Variants in USP31 observed in about 807,000 individuals in gnomAD.
USP31 encodes the protein ubiquitin specific peptidase 31.
In USP31, 44 loss-of-function variants were observed where a neutral mutation model predicts 119.4. The observed-to-expected ratio is 0.37, with a 90% CI of 0.29 to 0.47. The LOEUF is 0.47. Ranked by LOEUF, USP31 falls within the 20% of genes least tolerant of loss-of-function variation. The pLI, the probability that USP31 is intolerant of heterozygous loss-of-function variation, is 0.99. For synonymous variants in USP31, 749 were observed against 705.6 expected (o/e 1.06, Z -0.97); for missense variants, 1,643 against 1,730.2 (o/e 0.95, Z 0.89).
At position 23,135,142 on chromosome 16, in the gene USP31, A is replaced by C. The variant is rs551560678; in HGVS notation, c.633+13496T>G. Among the ~76,000 whole-genome samples the C allele has an allele frequency of 1.6e-4, 24 of 151,468 alleles. No individual in the cohort carries two copies. The East Asian group carries it at 4.4e-3, about 28-fold the overall frequency. On this transcript the variant is annotated intron_variant, in intron 1 of 15. Transcript: ENST00000219689. ...TTCAACACTCTTTCATGATTTAAAAAAAAAAAAAAAAAACACTCAACAAAT... is the reference window on the plus strand; with the variant it reads ...TTCAACACTCTTTCATGATTTAAAACAAAAAAAAAAAAACACTCAACAAAT...
At chr16:23,086,958 A>C in intron 9 of USP31, 134 bp downstream of exon 9, 2 of 635,094 alleles carry the variant, frequency 3.1e-6, no homozygotes, top group Non-Finnish European at 2.7e-6. Context: ...TCAAAAGTAA[A>C]ATAAGTACTT....
chr16:23,082,652 A>C, intron 11 of USP31, 95 bp from the exon 12 acceptor site: 1 of 1,544,646 alleles, frequency 6.5e-7, no homozygotes, highest in Non-Finnish European at 8.8e-7. Context: ...GTGCAACTCA[A>C]AATCTCTCTG....
In USP31 at chr16:23,065,211, A is replaced by C. The variant is rs967281488; in HGVS notation, c.*2835T>G. ...GTGCCTACCAGGAGATGACTGCTCT[A>C]ATCAGGCCCATCTAGATGTCAACGA... On this transcript the variant is annotated 3_prime_UTR_variant, in exon 16 of 16. Transcript: ENST00000219689. The C allele has an allele frequency of 6.6e-6, 1 of 152,138 alleles. No individual in the cohort carries two copies. The highest frequency in any genetic ancestry group is 1.5e-5 in the Non-Finnish European group (1 of 68,026). The allele number at this position is 152,138 out of a possible 1,614,324, so 9.4% of individuals were successfully genotyped here.
rs1373630423 is a variant in USP31, at chr16:23,073,811, T to G, written c.2246A>C (p.Glu749Ala). The stretch of plus-strand genomic sequence containing the variant: ...TGCTGTCTGCGTGCAGACCTCATCT[T>G]CTGACAGCTGCTGCACATCGCTGTC... The part of the protein sequence containing the change: ...FDDSDVQQLS[E>A]DEVCTQTAYI... Residue 749 changes from glutamate to alanine, a missense_variant, in exon 14 of 16, where the codon GAA becomes GCA. By Grantham distance (107) the Glu-to-Ala change is moderately radical. This residue lies in a region of USP31 where 279 missense variants were observed against 372.2 expected (regional missense o/e 0.75). Transcript: ENST00000219689. The G allele has an allele frequency of 6.2e-7, 1 of 1,614,090 alleles. No homozygotes were observed. The highest frequency in any genetic ancestry group is 8.5e-7 in the Non-Finnish European group (1 of 1,180,054).
chr16:23,082,702 A>C, intron 11 of USP31, 145 bp from the exon 12 acceptor site: 1 of 1,138,914 alleles, frequency 8.8e-7, no homozygotes, highest in Admixed American at 2.5e-5. Flanking sequence ...TAACACAATC[A>C]AAAGTAGCCA....
In USP31 at chr16:23,100,130, G is replaced by A. The variant is rs144117515; in HGVS notation, c.1234+2189C>T. Among the ~76,000 whole-genome samples the A allele has an allele frequency of 4.7e-3, 720 of 152,248 alleles. 4 individuals are homozygous for A. Among genetic ancestry groups the A allele is most frequent in the Middle Eastern group, 0.014 (4 of 294 alleles). ...GGAAAAGTCTGTAAGTACCCCAAAT[G>A]ATTAAACATAAAGTTACCACACAAC... On this transcript the variant is annotated intron_variant, in intron 6 of 15. Transcript: ENST00000219689.
intron 5 of USP31, among the ~76,000 whole-genome samples, chr16:23,104,872 C>T (rs1902027292): frequency 6.6e-6 from 1 of 152,180 alleles, no homozygotes; most frequent in Non-Finnish European, 1.5e-5. Flanking sequence ...TCAATTTCAA[C>T]ATAACTGCTT....
At chr16:23,134,095 A>T (rs866281799) in intron 1 of USP31, among the ~76,000 whole-genome samples, 26,813 of 136,420 alleles carry the variant, frequency 0.2, 2,472 homozygotes, top group Admixed American at 0.28. Context: ...TCTCTCACAC[A>T]CACACACACA....
intron 11 of USP31, among the ~76,000 whole-genome samples, chr16:23,083,976 T>C (rs1900971663): frequency 6.6e-6 from 1 of 152,190 alleles, no homozygotes; most frequent in Non-Finnish European, 1.5e-5. Context: ...TCTATCTCTG[T>C]CTTAACGAGG....
chr16:23,096,316 C>T (rs1901612706), intron 6 of USP31, among the ~76,000 whole-genome samples: 1 of 152,056 alleles, frequency 6.6e-6, no homozygotes, highest in South Asian at 2.1e-4. Context: ...ATATATGCAC[C>T]CAATACAGGA....
chr16:23,110,991 G>A lies in USP31; in HGVS notation c.634-2808C>T, dbSNP rs111733885. Among the ~76,000 whole-genome samples, 906 of 152,234 alleles carry A rather than the reference G, an allele frequency of 6.0e-3. 6 individuals are homozygous for A. The highest frequency in any genetic ancestry group is 0.021 in the African/African-American group (853 of 41,530). On this transcript the variant is annotated intron_variant, in intron 1 of 15. Coordinates refer to ENST00000219689, the MANE Select transcript of USP31 (RefSeq NM_020718.4). The stretch of plus-strand genomic sequence containing the variant: ...AAAATACAAAAAATTAGCCAGGCGT[G>A]GTGGTGGGCGCCTGTAGTCCTAGTG...
intron 1 of USP31, among the ~76,000 whole-genome samples, chr16:23,145,243 G>A (rs1221397662): frequency 1.3e-5 from 2 of 152,280 alleles, no homozygotes; most frequent in African/African-American, 4.8e-5. Context: ...CAAAAGCACT[G>A]GCATCACCAG....
chr16:23,076,809 T>TGAACGCCAATCAAGGATGCTGGC (rs1372139501), intron 13 of USP31, among the ~76,000 whole-genome samples: 1 of 152,214 alleles, frequency 6.6e-6, no homozygotes, highest in African/African-American at 2.4e-5. Context: ...GCTGAGCTGG[T>TGAACGCCAATCAAGGATGCTGGC]GAACGCCAAT....
rs941294240 is a variant in USP31 at position 23,062,897 on chromosome 16, C to A, written c.*5149G>T. Reference sequence around the variant, plus strand: ...TACACAACTGAGGAATCAGTCACTCCTGAGTAATTCAAATGGCAGTGATTC... The same window carrying A: ...TACACAACTGAGGAATCAGTCACTCATGAGTAATTCAAATGGCAGTGATTC... On this transcript the variant is annotated 3_prime_UTR_variant, in exon 16 of 16. Transcript: ENST00000219689. 2.6e-5 allele frequency: 4 copies of A among 152,592 alleles called. No homozygotes were observed. The highest frequency in any genetic ancestry group is 5.9e-5 in the Non-Finnish European group (4 of 68,034). The allele number at this position is 152,592 out of a possible 1,614,324, so 9.5% of individuals were successfully genotyped here.
At chr16:23,146,984 T>A (rs9788872) in intron 1 of USP31, among the ~76,000 whole-genome samples, 53,405 of 144,222 alleles carry the variant, frequency 0.37, 10,246 homozygotes, top group East Asian at 0.7. Context: ...AAAAAAAAAA[T>A]GGGTGGGGGG....
In USP31 at chr16:23,068,693, T is replaced by C. The variant is rs530653888; in HGVS notation, c.3412A>G (p.Thr1138Ala). Residue 1138 changes from threonine to alanine, a missense_variant, in exon 16 of 16, where the codon ACA (threonine) becomes GCA (alanine). Around this residue, in one of 5 missense-constraint regions of USP31, gnomAD observed 699 missense variants for 650.9 expected, o/e 1.07. Coordinates refer to ENST00000219689, the MANE Select transcript of USP31 (RefSeq NM_020718.4). ...TSAKKASGPA[T>A]RSPFPPGKSR... ...TTCCCAGGTGGGAAAGGGCTCCTTG[T>C]GGCAGGGCCCGAGGCCTTTTTGGCA... The C allele has an allele frequency of 1.5e-5, 24 of 1,614,088 alleles. No individual in the cohort carries two copies. The highest frequency in any genetic ancestry group is 8.0e-5 in the African/African-American group (6 of 75,062).
At chr16:23,091,790 C>A (rs903707604) in intron 6 of USP31, among the ~76,000 whole-genome samples, 1 of 152,156 alleles carries the variant, frequency 6.6e-6, no homozygotes, top group Non-Finnish European at 1.5e-5. Context: ...GAATCTTTGT[C>A]AAGCCACTAG....
At chr16:23,071,354 A>G (rs1310163005) in intron 15 of USP31, among the ~76,000 whole-genome samples, 1 of 136,774 alleles carries the variant, frequency 7.3e-6, no homozygotes, top group Non-Finnish European at 1.6e-5. Context: ...TAGAAGCTGC[A>G]CTCACTCCTT....
At chr16:23,084,474 T>C (rs182329853) in intron 11 of USP31, among the ~76,000 whole-genome samples, 60 of 152,228 alleles carry the variant, frequency 3.9e-4, no homozygotes, top group African/African-American at 1.3e-3. Context: ...TTTTTTAAAT[T>C]TAATTAATTT....
Sources: gnomAD v4.1 joint callset for allele counts (sites outside exome capture counted in the v4.1 genomes callset) on GRCh38, gnomAD v4.1.1 for gene constraint, gnomAD v4.1.1 regional missense constraint, MANE v1.5 for transcripts, NCBI Gene and HGNC (gene_info 2026-07-23, HGNC 2026-07-21) for gene names.